ITGA9: variants seen among roughly 807,000 people sequenced by gnomAD.
ITGA9 encodes the protein integrin subunit alpha 9.
In ITGA9, 56 loss-of-function variants were observed where a neutral mutation model predicts 127.8. The ratio of observed to expected loss-of-function variants is 0.44; its 90% CI spans 0.35 to 0.55. ITGA9 has a LOEUF of 0.55. Among genes scored for constraint, ITGA9 ranks in the 20% least tolerant of loss-of-function variants. ITGA9 has a pLI of 0.00. For synonymous variants in ITGA9, 508 were observed against 514.5 expected, an observed-to-expected ratio of 0.99 and a Z score of 0.17; for missense variants, 1,196 against 1,347.1, an observed-to-expected ratio of 0.89 and a Z score of 1.76.
intron 13 of ITGA9, among the ~76,000 whole-genome samples, chr3:37,531,896 A>G (rs758275083): frequency 2.6e-5 from 4 of 152,128 alleles, no homozygotes; most frequent in Non-Finnish European, 4.4e-5. Context: ...GTGTGTACAG[A>G]GCTGGAAGCA....
intron 18 of ITGA9, 92 bp from the exon 19 acceptor site, chr3:37,732,620 C>A: frequency 1.1e-6 from 1 of 923,596 alleles, no homozygotes; most frequent in Non-Finnish European, 1.7e-6. Context: ...CGTCTGAGCA[C>A]TGCTCTGAAG....
chr3:37,494,651 T>A (rs1056237900), intron 5 of ITGA9, 83 bp downstream of exon 5: 6 of 1,104,672 alleles, frequency 5.4e-6, no homozygotes. Flanking sequence ...CCCTTAGAGG[T>A]GGGACTTCTG....
chr3:37,538,998 G>A (rs9814093), intron 14 of ITGA9, among the ~76,000 whole-genome samples: 6,116 of 152,222 alleles, frequency 0.04, 393 homozygotes, highest in African/African-American at 0.14. Context: ...TTAATGTGCT[G>A]GCATGCACAC....
At chr3:37,509,333 A>C (rs1030007169) in intron 8 of ITGA9, among the ~76,000 whole-genome samples, 1 of 152,188 alleles carries the variant, frequency 6.6e-6, no homozygotes, top group Admixed American at 6.5e-5. Flanking sequence ...TGAGCTTATC[A>C]GTCATGCACT....
chr3:37,781,263 C>T (rs1020724512), intron 25 of ITGA9, among the ~76,000 whole-genome samples: 2 of 152,220 alleles, frequency 1.3e-5, no homozygotes, highest in African/African-American at 4.8e-5. Flanking sequence ...GTTGGCTAAC[C>T]TTTTCTGTAA....
intron 17 of ITGA9, among the ~76,000 whole-genome samples, chr3:37,663,718 T>C (rs1700559561): frequency 6.6e-6 from 1 of 152,220 alleles, no homozygotes; most frequent in Non-Finnish European, 1.5e-5. Flanking sequence ...CACCCTTGTT[T>C]AGTGAGCACT....
chr3:37,539,318 C>T (rs1018511887), intron 14 of ITGA9, among the ~76,000 whole-genome samples: 1 of 152,178 alleles, frequency 6.6e-6, no homozygotes, highest in Admixed American at 6.5e-5. Flanking sequence ...CAAGAGGTAC[C>T]AGTAAGGAAA....
chr3:37,691,453 A>G (rs904482185), intron 18 of ITGA9, among the ~76,000 whole-genome samples: 2 of 152,180 alleles, frequency 1.3e-5, no homozygotes, highest in Non-Finnish European at 2.9e-5. Flanking sequence ...CTTCACCCAC[A>G]GGGCAGCAGG....
At chr3:37,705,177 A>C (rs1700990883) in intron 18 of ITGA9, among the ~76,000 whole-genome samples, 1 of 152,244 alleles carries the variant, frequency 6.6e-6, no homozygotes, top group Non-Finnish European at 1.5e-5. Context: ...ACAGGTATTA[A>C]GTATACCGTT....
intron 11 of ITGA9, among the ~76,000 whole-genome samples, chr3:37,520,771 AT>A (rs1174437330): frequency 2.6e-5 from 4 of 152,132 alleles, no homozygotes; most frequent in Non-Finnish European, 5.9e-5. Flanking sequence ...TGCGGCAGGG[AT>A]GCTCTTCCCA....
intron 15 of ITGA9, among the ~76,000 whole-genome samples, chr3:37,559,271 T>G (rs376180469): frequency 0.032 from 3,629 of 114,902 alleles, 122 homozygotes; most frequent in African/African-American, 0.12. Context: ...TGAAACTATG[T>G]GAGCACACAC....
rs960822336 is a variant in ITGA9, at chr3:37,799,063, G to A, written c.2890-4760G>A. Reference sequence around the variant, plus strand: ...ATTTAGTACCAATATAAATAATTCTGCAGTGAACATCTTTGAGCATAAAAC... The same window carrying A: ...ATTTAGTACCAATATAAATAATTCTACAGTGAACATCTTTGAGCATAAAAC... On this transcript the variant is annotated intron_variant, in intron 26 of 27. Transcript: ENST00000264741. The surrounding 1 kb of genome is among the most constrained non-coding windows in gnomAD (Gnocchi z 4.0). 6.6e-6 allele frequency among the ~76,000 whole-genome samples: 1 copy of A among 152,124 alleles called. No homozygotes were observed.
chr3:37,739,828 A>T (rs1575215277), intron 20 of ITGA9, among the ~76,000 whole-genome samples: 1 of 152,148 alleles, frequency 6.6e-6, no homozygotes, highest in South Asian at 2.1e-4. Context: ...TGGGGGCGGG[A>T]GTGGGCCAGG....
chr3:37,732,181 A>G (rs1258650010), intron 18 of ITGA9, among the ~76,000 whole-genome samples: 1 of 152,048 alleles, frequency 6.6e-6, no homozygotes. Context: ...AGCTGGCTAC[A>G]CTTGGAAACC....
chr3:37,560,566 C>T (rs1699477463), intron 15 of ITGA9, among the ~76,000 whole-genome samples: 1 of 152,194 alleles, frequency 6.6e-6, no homozygotes, highest in African/African-American at 2.4e-5. Flanking sequence ...ACACTCCCGC[C>T]AACAGTGTAA....
At chr3:37,624,411 C>T (rs1700157352) in intron 15 of ITGA9, among the ~76,000 whole-genome samples, 2 of 151,858 alleles carry the variant, frequency 1.3e-5, no homozygotes, top group African/African-American at 4.8e-5. Flanking sequence ...TTCTCCATCT[C>T]TGCTGCTGGG....
At chr3:37,606,539 G>T (rs974942978) in intron 15 of ITGA9, among the ~76,000 whole-genome samples, 2 of 152,180 alleles carry the variant, frequency 1.3e-5, no homozygotes, top group African/African-American at 4.8e-5. Context: ...AGCCCCAGGG[G>T]TCCTATGGAT....
In ITGA9 at chr3:37,708,857, A is replaced by C. The variant is rs537742616; in HGVS notation, c.2068-23855A>C. ...TAGTATCCCTCTCAGGCGTATGAAT[A>C]CGTCAAGCCACTTCAGCATGATGGC... On this transcript the variant is annotated intron_variant, in intron 18 of 27. Transcript: ENST00000264741. 2.0e-5 allele frequency among the ~76,000 whole-genome samples: 3 copies of C among 152,360 alleles called. No individual in the cohort carries two copies. The East Asian group carries it at 5.8e-4, about 29-fold the overall frequency.
In ITGA9 at chr3:37,779,931, A is replaced by C. The variant is rs1407219710; in HGVS notation, c.2697A>C (p.Leu899=). 8 of 1,613,924 alleles carry C rather than the reference A, an allele frequency of 5.0e-6. No individual in the cohort carries two copies. Among genetic ancestry groups the C allele is most frequent in the Non-Finnish European group, 6.8e-6 (8 of 1,179,896 alleles). ...LDCEKPGISC[L]TAHCNFSALA... ...GTGAAAAACCAGGAATTTCTTGCCT[A>C]ACAGCACACTGTAACTTTAGTGCTC... The change falls in exon 25 of 28, where the codon CTA becomes CTC. Residue 899 remains leucine, a synonymous_variant. Transcript: ENST00000264741.
Sources: allele counts gnomAD v4.1 joint callset (sites outside exome capture counted in the v4.1 genomes callset), GRCh38; gene constraint gnomAD v4.1.1; non-coding constraint Gnocchi (gnomAD v3.1); transcripts MANE v1.5; gene names NCBI Gene and HGNC (gene_info 2026-07-23, HGNC 2026-07-21).